AK8: variants seen among roughly 807,000 people sequenced by gnomAD.
AK8 encodes ATP-AMP transphosphorylase 8.
In AK8, 44 loss-of-function variants were observed where a neutral mutation model predicts 54.6. The observed-to-expected ratio is 0.81, with a 90% CI of 0.63 to 1.04. AK8 has a LOEUF of 1.04. Ranked by LOEUF, AK8 falls within the 50% of genes least tolerant of loss-of-function variation. The pLI, the probability that AK8 is intolerant of heterozygous loss-of-function variation, is 0.00. For synonymous variants in AK8, 239 were observed against 245.6 expected, an observed-to-expected ratio of 0.97 and a Z score of 0.25; for missense variants, 555 against 613.6, an observed-to-expected ratio of 0.90 and a Z score of 1.01.
intron 2 of AK8, among the ~76,000 whole-genome samples, chr9:132,872,793 C>G (rs1843908627): frequency 6.6e-6 from 1 of 152,112 alleles, no homozygotes; most frequent in Non-Finnish European, 1.5e-5. Context: ...GCTGCCAAGC[C>G]TGGTTAATTT....
intron 11 of AK8, among the ~76,000 whole-genome samples, chr9:132,754,722 A>T (rs1838104457): frequency 6.6e-6 from 1 of 152,032 alleles, no homozygotes; most frequent in Admixed American, 6.5e-5. Flanking sequence ...ACAGTTTCCA[A>T]TTTGATTCCA....
chr9:132,810,374 AC>A (rs1404837561), intron 10 of AK8, among the ~76,000 whole-genome samples: 1 of 152,108 alleles, frequency 6.6e-6, no homozygotes, highest in Non-Finnish European at 1.5e-5. Flanking sequence ...CCCCCAAATA[AC>A]AAAAAACAAA....
chr9:132,772,698 C>T (rs1201651301), intron 11 of AK8, among the ~76,000 whole-genome samples: 3 of 152,222 alleles, frequency 2.0e-5, no homozygotes, highest in South Asian at 2.1e-4. Context: ...CCTCCTCAAC[C>T]CCATTCCTCC....
chr9:132,835,304 C>T (rs1842279024), intron 5 of AK8, among the ~76,000 whole-genome samples: 1 of 152,186 alleles, frequency 6.6e-6, no homozygotes, highest in Admixed American at 6.5e-5. Flanking sequence ...CCAGATGCAC[C>T]AGTCTACCCT....
Position 132,863,762 on chromosome 9 carries a change from T to C in AK8, c.236A>G (p.Lys79Arg), listed in dbSNP as rs1285462860. The C allele has an allele frequency of 1.2e-6, 2 of 1,613,718 alleles. No homozygotes were observed. The highest frequency in any genetic ancestry group is 8.5e-7 in the Non-Finnish European group (1 of 1,179,722). The change falls in exon 4 of 13, where the codon AAA (lysine) becomes AGA (arginine). Residue 79 changes from lysine (K) to arginine (R), a missense_variant. Transcript: ENST00000298545. ...GGTGAGGAGACTGCTGTTCAGATGTTTGCAGAGCCACATTGCCTGAAGAAA... is the reference window on the plus strand; with the variant it reads ...GGTGAGGAGACTGCTGTTCAGATGTCTGCAGAGCCACATTGCCTGAAGAAA... ...GKTTIAMWLC[K>R]HLNSSLLTLE...
rs1424104084 is a variant in AK8, at chr9:132,781,536, TA to T, written c.1121+11097del. 6.6e-6 allele frequency among the ~76,000 whole-genome samples: 1 copy of T among 152,180 alleles called. No individual in the cohort carries two copies. The highest frequency in any genetic ancestry group is 6.5e-5 in the Admixed American group (1 of 15,280). ...ACCCTTCCCCGATAACTCTATTTAC[TA>T]GTGTGAATATATTTTAATAATAAAA... is the stretch of plus-strand genomic sequence containing the variant. On this transcript the variant is annotated intron_variant, in intron 11 of 12. Transcript: ENST00000298545. The surrounding 1 kb of genome is among the most constrained non-coding windows in gnomAD (Gnocchi z 4.6).
At chr9:132,755,940 T>C (rs548007749) in intron 11 of AK8, among the ~76,000 whole-genome samples, 1 of 152,264 alleles carries the variant, frequency 6.6e-6, no homozygotes, top group African/African-American at 2.4e-5. Flanking sequence ...GCTAATTTTG[T>C]ATTTTTAGTA....
chr9:132,780,179 C>T (rs1839398975), intron 11 of AK8, among the ~76,000 whole-genome samples: 1 of 152,066 alleles, frequency 6.6e-6, no homozygotes, highest in Admixed American at 6.6e-5. Context: ...GGAGAATGAA[C>T]TGAAAGATGA....
chr9:132,878,230 C>A lies in AK8; in HGVS notation c.26G>T (p.Arg9Leu). Residue 9 changes from arginine (R) to leucine (L), a missense_variant, in exon 1 of 13, where the codon CGT (arginine) becomes CTT (leucine). Arg to Leu is a moderately radical substitution (Grantham distance 102). Transcript: ENST00000298545. This position sits in a 1 kb window ranked among gnomAD's most constrained non-coding sequence, Gnocchi z 4.7. ...GTACTGGGGCATCTCGGGGGGGATACGGTGCGGGGCGATAGTGGCGTCCAT... is the reference window on the plus strand; with the variant it reads ...GTACTGGGGCATCTCGGGGGGGATAAGGTGCGGGGCGATAGTGGCGTCCAT... Reference protein sequence around the residue: MDATIAPHRIPPEMPQYGE... With the variant: MDATIAPHLIPPEMPQYGE... 7.0e-7 allele frequency: 1 copy of A among 1,432,448 alleles called. No homozygotes were observed. The highest frequency in any genetic ancestry group is 1.6e-5 in the South Asian group (1 of 61,780). The allele number at this position is 1,432,448 out of a possible 1,614,324, so 88.7% of individuals were successfully genotyped here.
In AK8 at chr9:132,725,706, C is replaced by T. The variant is rs1159653240; in HGVS notation, c.1422G>A (p.Leu474=). 1 of 1,576,398 alleles carries T rather than the reference C, an allele frequency of 6.3e-7. No individual in the cohort carries two copies. Residue 474 remains leucine (L), a synonymous_variant, in exon 13 of 13, where the codon CTG becomes CTA. Coordinates refer to ENST00000298545, the MANE Select transcript of AK8 (RefSeq NM_152572.3). ...EYIESGIINP[L]PKKIP ...GAACCCATCAGGGGATTTTCTTGGG[C>T]AGGGGATTAATGATCCCACTCTCGA...
At chr9:132,812,743 G>C (rs1841122495) in intron 10 of AK8, among the ~76,000 whole-genome samples, 1 of 152,174 alleles carries the variant, frequency 6.6e-6, no homozygotes, top group Admixed American at 6.5e-5. Context: ...ATGGCTGGTG[G>C]GGGCAGCGCT....
chr9:132,726,703 G>T (rs1319550327), intron 12 of AK8, among the ~76,000 whole-genome samples: 1 of 152,208 alleles, frequency 6.6e-6, no homozygotes, highest in Non-Finnish European at 1.5e-5. Flanking sequence ...AGATGAGGGA[G>T]TGGGACATTA....
intron 10 of AK8, among the ~76,000 whole-genome samples, chr9:132,795,156 C>T (rs887099679): frequency 5.9e-5 from 9 of 152,178 alleles, no homozygotes; most frequent in South Asian, 2.1e-4. Context: ...ACCTCTGCCT[C>T]GAGACATTTG....
chr9:132,873,055 C>T (rs150529749), intron 2 of AK8, among the ~76,000 whole-genome samples: 2,621 of 152,254 alleles, frequency 0.017, 46 homozygotes, highest in Non-Finnish European at 0.027. Flanking sequence ...CCTCATGATC[C>T]GCCCACCTCG....
At chr9:132,732,831 G>C (rs1007509050) in intron 11 of AK8, among the ~76,000 whole-genome samples, 2 of 152,052 alleles carry the variant, frequency 1.3e-5, no homozygotes, top group African/African-American at 4.8e-5. Flanking sequence ...CCTAGGCTGG[G>C]TTTCCTGCAA....
intron 9 of AK8, among the ~76,000 whole-genome samples, chr9:132,821,329 C>T (rs1027376802): frequency 6.6e-6 from 1 of 152,132 alleles, no homozygotes; most frequent in Non-Finnish European, 1.5e-5. Context: ...GCAAGTGATG[C>T]CGCCACAGGT....
At chr9:132,828,512 C>T in intron 6 of AK8, 133 bp downstream of exon 6, 1 of 717,534 alleles carries the variant, frequency 1.4e-6, no homozygotes. Flanking sequence ...TTCAGTTGTG[C>T]TGTCCTCTTC....
chr9:132,845,735 C>G (rs772339284), intron 5 of AK8, among the ~76,000 whole-genome samples: 11 of 149,306 alleles, frequency 7.4e-5, no homozygotes, highest in Non-Finnish European at 1.3e-4. Context: ...GAGCAGAGAT[C>G]GCGCCACTGC....
At chr9:132,798,412 G>A (rs1840279736) in intron 10 of AK8, among the ~76,000 whole-genome samples, 1 of 152,188 alleles carries the variant, frequency 6.6e-6, no homozygotes, top group Non-Finnish European at 1.5e-5. Flanking sequence ...TTGGTTCACT[G>A]TGCTCTGCCA....
Sources: gnomAD v4.1 joint callset for allele counts (sites outside exome capture counted in the v4.1 genomes callset) on GRCh38, gnomAD v4.1.1 for gene constraint, Gnocchi (gnomAD v3.1) non-coding constraint, MANE v1.5 for transcripts, NCBI Gene and HGNC (gene_info 2026-07-23, HGNC 2026-07-21) for gene names.